STK33: variants seen among roughly 807,000 people sequenced by gnomAD.
STK33 encodes serine/threonine kinase 33.
A neutral mutation model predicts 58.0 loss-of-function variants in STK33; 52 were observed. The ratio of observed to expected loss-of-function variants is 0.90; its 90% CI spans 0.72 to 1.13. STK33 has a LOEUF of 1.13. Ranked by LOEUF, STK33 falls within the 50% of genes most tolerant of loss-of-function variation. The pLI, the probability that STK33 is intolerant of heterozygous loss-of-function variation, is 0.00. For synonymous variants in STK33, 215 were observed against 200.1 expected, an observed-to-expected ratio of 1.07 and a Z score of -0.63; for missense variants, 630 against 604.2, an observed-to-expected ratio of 1.04 and a Z score of -0.45.
At chr11:8,407,265 T>C (rs1316825584) in intron 15 of STK33, among the ~76,000 whole-genome samples, 1 of 152,078 alleles carries the variant, frequency 6.6e-6, no homozygotes, top group Non-Finnish European at 1.5e-5. Context: ...CATTTGAAAT[T>C]TTTACGTCTA....
At chr11:8,440,220 G>A (rs1050005583) in intron 12 of STK33, among the ~76,000 whole-genome samples, 11 of 152,018 alleles carry the variant, frequency 7.2e-5, no homozygotes, top group Admixed American at 2.0e-4. Context: ...TGGGAACTGG[G>A]AACTGTAGAA....
intron 1 of STK33, among the ~76,000 whole-genome samples, chr11:8,578,036 C>T (rs1444573267): frequency 6.6e-6 from 1 of 152,060 alleles, no homozygotes; most frequent in Non-Finnish European, 1.5e-5. Flanking sequence ...CATATGCAGA[C>T]ATCTCTCACT....
At chr11:8,469,389 T>C (rs1428458897) in intron 6 of STK33, among the ~76,000 whole-genome samples, 1 of 152,234 alleles carries the variant, frequency 6.6e-6, no homozygotes, top group African/African-American at 2.4e-5. Context: ...TCATTCATGT[T>C]TTATCGTGAG....
the STK33 span, among the ~76,000 whole-genome samples, chr11:8,354,474 T>TCACACA: frequency 0.073 from 9,079 of 124,566 alleles, 438 homozygotes; most frequent in African/African-American, 0.09. Flanking sequence ...CTGCAAAACC[T>TCACACA]CACACACACA....
chr11:8,521,036 A>T (rs1387303155), intron 1 of STK33, among the ~76,000 whole-genome samples: 1 of 149,524 alleles, frequency 6.7e-6, no homozygotes, highest in East Asian at 1.9e-4. Context: ...ATTTATTTAT[A>T]AATAAATAAA....
intron 1 of STK33, among the ~76,000 whole-genome samples, chr11:8,542,832 C>T (rs1955625949): frequency 6.6e-6 from 1 of 152,124 alleles, no homozygotes; most frequent in African/African-American, 2.4e-5. Context: ...CACTTAGTCT[C>T]CTGAGTAGCT....
intron 1 of STK33, among the ~76,000 whole-genome samples, chr11:8,546,801 A>G (rs908502434): frequency 1.3e-5 from 2 of 152,210 alleles, no homozygotes; most frequent in Non-Finnish European, 2.9e-5. Context: ...TCCGCTGTGT[A>G]TATTTACCAC....
chr11:8,354,360 G>A, the STK33 span, among the ~76,000 whole-genome samples: 7,747 of 151,844 alleles, frequency 0.051, 262 homozygotes, highest in Non-Finnish European at 0.073. Context: ...CCTATCCTAA[G>A]GTACAGTCCT....
chr11:8,557,239 GGACCTTGTGGGGAAGGGA>G (rs1956800428), intron 1 of STK33, among the ~76,000 whole-genome samples: 1 of 95,806 alleles, frequency 1.0e-5, no homozygotes, highest in Non-Finnish European at 2.3e-5. Context: ...CAACAGAGGG[GGACCTTGTGGGGAAGGGA>G]AGGGGAGGGG....
intron 11 of STK33, among the ~76,000 whole-genome samples, chr11:8,445,810 C>A (rs1325430695): frequency 1.5e-3 from 226 of 152,170 alleles, no homozygotes; most frequent in African/African-American, 5.3e-3. Context: ...TTTCACATCG[C>A]TGTTCATCAG....
At chr11:8,394,351 T>C (rs775588177) in intron 15 of STK33, among the ~76,000 whole-genome samples, 2 of 152,236 alleles carry the variant, frequency 1.3e-5, no homozygotes, top group Non-Finnish European at 2.9e-5. Context: ...TACCTTTACA[T>C]ACAAATGCTA....
At chr11:8,403,903 T>C (rs1435679803) in intron 15 of STK33, among the ~76,000 whole-genome samples, 1 of 152,196 alleles carries the variant, frequency 6.6e-6, no homozygotes, top group Non-Finnish European at 1.5e-5. Flanking sequence ...TTAATACCAG[T>C]GCATGATTAC....
rs1269738674 is a variant in STK33, at chr11:8,553,167, A to AGT, written c.-466+40915_-466+40916insAC. ...AGGGAGACTCCGTCTCCAAAAATAA[A>AGT]ATATATATATATATATATATATATA... On this transcript the variant is annotated intron_variant, in intron 1 of 15. Transcript: ENST00000687296. Among the ~76,000 whole-genome samples, 26 of 68,194 alleles carry AGT rather than the reference A, an allele frequency of 3.8e-4. 2 individuals carry two copies. The East Asian group carries it at 0.013, about 35-fold the overall frequency. 44.7% of individuals were successfully genotyped at this position (68,194 alleles called of 152,430 possible). A position where few individuals can be genotyped will look rare whatever the true frequency, so the allele number is the denominator to read the frequency against.
chr11:8,448,923 A>G (rs995245642), intron 11 of STK33, among the ~76,000 whole-genome samples: 1 of 149,950 alleles, frequency 6.7e-6, no homozygotes, highest in African/African-American at 2.5e-5. Flanking sequence ...CAATGAACTC[A>G]AACAAATTTA....
the STK33 span, among the ~76,000 whole-genome samples, chr11:8,356,196 C>T: frequency 6.6e-6 from 1 of 152,122 alleles, no homozygotes; most frequent in Admixed American, 6.5e-5. Flanking sequence ...GGAATCTGCC[C>T]GTTAGTTACA....
chr11:8,341,501 A>G, the STK33 span, among the ~76,000 whole-genome samples: 2 of 152,204 alleles, frequency 1.3e-5, no homozygotes, highest in African/African-American at 4.8e-5. Context: ...CAGGATTTCA[A>G]TGACTGTGGC....
At chr11:8,412,099 C>T (rs757147061) in intron 15 of STK33, among the ~76,000 whole-genome samples, 5 of 152,074 alleles carry the variant, frequency 3.3e-5, no homozygotes, top group Non-Finnish European at 5.9e-5. Flanking sequence ...TATAATTGTA[C>T]ATATGTGAGT....
rs776490927 is a variant in STK33 at position 8,473,291 on chromosome 11, A to C, written c.226-15T>G. ...GTTCTTGAGGGCTGGGACCAAAAAAAAAATTAAAAAAAAAAAACTTTAAGA... is the reference window on the plus strand; with the variant it reads ...GTTCTTGAGGGCTGGGACCAAAAAACAAATTAAAAAAAAAAAACTTTAAGA... On this transcript the variant is annotated splice_polypyrimidine_tract_variant and intron_variant, in intron 5 of 15. Coordinates refer to ENST00000687296, the MANE Select transcript of STK33 (RefSeq NM_001352389.2). 106 of 1,454,062 alleles carry C rather than the reference A, an allele frequency of 7.3e-5. No individual in the cohort carries two copies. Among genetic ancestry groups the C allele is most frequent in the Non-Finnish European group, 9.7e-5 (102 of 1,056,362 alleles). The allele number at this position is 1,454,062 out of a possible 1,614,324, so 90.1% of individuals were successfully genotyped here. A position where few individuals can be genotyped will look rare whatever the true frequency, so the allele number is the denominator to read the frequency against.
intron 14 of STK33, among the ~76,000 whole-genome samples, chr11:8,430,730 C>T (rs1042069647): frequency 3.3e-5 from 5 of 152,076 alleles, no homozygotes; most frequent in African/African-American, 1.2e-4. Context: ...AGGGACCATG[C>T]CAGACTGATC....
Sources: allele counts gnomAD v4.1 joint callset (sites outside exome capture counted in the v4.1 genomes callset), GRCh38; gene constraint gnomAD v4.1.1; transcripts MANE v1.5; gene names NCBI Gene and HGNC (gene_info 2026-07-23, HGNC 2026-07-21).